The following BCLAF1 variants were observed in gnomAD, a reference collection of about 807,000 sequenced individuals.
BCLAF1 encodes the protein BCL2 associated transcription factor 1.
A neutral mutation model predicts 99.5 loss-of-function variants in BCLAF1; 10 were observed. The ratio of observed to expected loss-of-function variants is 0.10; its 90% CI spans 0.06 to 0.17. The LOEUF (loss-of-function observed/expected upper bound fraction) is 0.17, where lower values mean the gene tolerates loss of function less well. Ranked by LOEUF, BCLAF1 falls within the 10% of genes least tolerant of loss-of-function variation. The pLI is 1.00. For missense variants in BCLAF1, 636 were observed against 1,105.8 expected (o/e 0.58, Z 6.02); for synonymous variants, 255 against 370.9 (o/e 0.69, Z 3.59).
intron 11 of BCLAF1, 103 bp from the exon 12 acceptor site, chr6:136,261,580 T>C (rs1781008147): frequency 8.4e-7 from 1 of 1,195,032 alleles, no homozygotes; most frequent in South Asian, 1.5e-5. Flanking sequence ...ATTGGGTATA[T>C]GAGATTGGTA....
chr6:136,278,680 C>T lies in BCLAF1; in HGVS notation c.201G>A (p.Met67Ile), dbSNP rs763685436. 5.6e-6 allele frequency: 9 copies of T among 1,613,328 alleles called. No homozygotes were observed. The highest frequency in any genetic ancestry group is 7.6e-6 in the Non-Finnish European group (9 of 1,179,858). Residue 67 changes from methionine to isoleucine, a missense_variant, in exon 4 of 13, where the codon ATG (methionine) becomes ATA (isoleucine). Transcript: ENST00000531224. Reference sequence around the variant, plus strand: ...TTCCTCTGTACCCATAAGGTCGTCTCATTCCTCTATTATTTCTGTAATCGC... The same window carrying T: ...TTCCTCTGTACCCATAAGGTCGTCTTATTCCTCTATTATTTCTGTAATCGC... Reference protein sequence around the residue: ...YRRDYRNNRGMRRPYGYRGRG... With the variant: ...YRRDYRNNRGIRRPYGYRGRG...
Position 136,276,131 on chromosome 6 carries a change from C to G in BCLAF1, c.1394G>C (p.Gly465Ala). The change falls in exon 5 of 13, where the codon GGA becomes GCA. Residue 465 changes from glycine (G) to alanine (A), a missense_variant. This residue lies in a region of BCLAF1 where 186 missense variants were observed against 275.3 expected (regional missense o/e 0.68). Transcript: ENST00000531224. ...EEKNYKLKET[G>A]YVVERPSTTK... ...AGTGCTAGGCCTTTCCACTACATAT[C>G]CAGTCTCTTTAAGTTTATAATTTTT... is the stretch of plus-strand genomic sequence containing the variant. The G allele has an allele frequency of 6.2e-7, 1 of 1,613,222 alleles. No homozygotes were observed. Among genetic ancestry groups the G allele is most frequent in the Non-Finnish European group, 8.5e-7 (1 of 1,179,846 alleles).
rs566192188 is a variant in BCLAF1 at position 136,259,010 on chromosome 6, T to C, written c.*2100A>G. The stretch of plus-strand genomic sequence containing the variant: ...CAAATATCCTTACCAAGAGGAACCA[T>C]TCAACTTTTATAATATCGTAAAGCG... On this transcript the variant is annotated 3_prime_UTR_variant, in exon 13 of 13. Coordinates refer to ENST00000531224, the MANE Select transcript of BCLAF1 (RefSeq NM_014739.3). 1 of 152,466 alleles carries C rather than the reference T, an allele frequency of 6.6e-6. No individual in the cohort carries two copies. Among genetic ancestry groups the C allele is most frequent in the African/African-American group, 2.4e-5 (1 of 41,452 alleles). 9.4% of individuals were successfully genotyped at this position (152,466 alleles called of 1,614,324 possible).
At chr6:136,269,638 G>C in intron 8 of BCLAF1, 26 bp from the exon 9 acceptor site, 1 of 1,530,006 alleles carries the variant, frequency 6.5e-7, no homozygotes, top group Non-Finnish European at 8.8e-7. Context: ...ATAAAATACA[G>C]ATTTCAGGGG....
At chr6:136,288,742 C>CCAACTCAT (rs1785510635) in intron 1 of BCLAF1, among the ~76,000 whole-genome samples, 1 of 152,178 alleles carries the variant, frequency 6.6e-6, no homozygotes, top group Non-Finnish European at 1.5e-5. Flanking sequence ...ATCTTAAAAG[C>CCAACTCAT]GAATCAAGCC....
rs1784535444 is a variant in BCLAF1 at position 136,282,667 on chromosome 6, TTAAACTC to T, written c.-101_-95del. 6.6e-6 allele frequency: 1 copy of T among 152,140 alleles called. No individual in the cohort carries two copies. The highest frequency in any genetic ancestry group is 1.5e-5 in the Non-Finnish European group (1 of 68,018). 9.4% of individuals were successfully genotyped at this position (152,140 alleles called of 1,614,324 possible). A position where few individuals can be genotyped will look rare whatever the true frequency, so the allele number is the denominator to read the frequency against. ...TTCCTGGAGAGAATGCTCTGAGAAA[TTAAACTC>T]TAAATTCGAATTCCTAGCAAAGACA... On this transcript the variant is annotated 5_prime_UTR_variant, in exon 2 of 13. Transcript: ENST00000531224.
chr6:136,260,115 T>C lies in BCLAF1; in HGVS notation c.*995A>G, dbSNP rs1780784115. The C allele has an allele frequency of 6.6e-6, 1 of 152,098 alleles. No homozygotes were observed. The highest frequency in any genetic ancestry group is 6.6e-5 in the Admixed American group (1 of 15,266). The allele number at this position is 152,098 out of a possible 1,614,324, so 9.4% of individuals were successfully genotyped here. A position where few individuals can be genotyped will look rare whatever the true frequency, so the allele number is the denominator to read the frequency against. On this transcript the variant is annotated 3_prime_UTR_variant, in exon 13 of 13. Coordinates refer to ENST00000531224, the MANE Select transcript of BCLAF1 (RefSeq NM_014739.3). The stretch of plus-strand genomic sequence containing the variant: ...TTTAAAATACTATTAATGAACAGTA[T>C]GCTGTGTTTCTCTATTTTTACTAAT...
At chr6:136,283,054 T>G (rs1784586818) in intron 1 of BCLAF1, among the ~76,000 whole-genome samples, 1 of 151,948 alleles carries the variant, frequency 6.6e-6, no homozygotes, top group Non-Finnish European at 1.5e-5. Context: ...TCCCAGCTAC[T>G]TGGGAGGCTG....
At chr6:136,271,811 G>A (rs1782571932) in intron 8 of BCLAF1, 184 bp downstream of exon 8, 1 of 400,332 alleles carries the variant, frequency 2.5e-6, no homozygotes, top group African/African-American at 2.1e-5. Context: ...TTAAATTTAA[G>A]ACACTTAGTA....
chr6:136,268,137 A>G (rs760955309), intron 10 of BCLAF1, 25 bp downstream of exon 10: 1 of 1,506,442 alleles, frequency 6.6e-7, no homozygotes, highest in Non-Finnish European at 8.8e-7. Flanking sequence ...CCTACCAAAC[A>G]ATCAAAGATA....
intron 2 of BCLAF1, among the ~76,000 whole-genome samples, chr6:136,280,869 A>G (rs941003896): frequency 6.6e-6 from 1 of 152,172 alleles, no homozygotes; most frequent in Non-Finnish European, 1.5e-5. Flanking sequence ...CCAAATTTAC[A>G]CTAACTTACT....
chr6:136,273,863 T>C (rs771039318), intron 6 of BCLAF1: 23 of 620,586 alleles, frequency 3.7e-5, no homozygotes, highest in Non-Finnish European at 2.8e-5. Context: ...ATGTTGTAAA[T>C]GTAAAATAGA....
Position 136,276,218 on chromosome 6 carries a change from A to G in BCLAF1, c.1307T>C (p.Leu436Pro). ...CAGTGAAACTTTGGACTTGTACTTGAGTCCTTCCTCCTCAGTATTCCGGTG... is the reference window on the plus strand; with the variant it reads ...CAGTGAAACTTTGGACTTGTACTTGGGTCCTTCCTCCTCAGTATTCCGGTG... The part of the protein sequence containing the change: ...ASHRNTEEEG[L>P]KYKSKVSLKG... Residue 436 changes from leucine (L) to proline (P), a missense_variant, in exon 5 of 13, where the codon CTC becomes CCC. Physicochemically the swap from Leu to Pro is moderately conservative, Grantham distance 98 (BLOSUM62 -3). This residue lies in a region of BCLAF1 where 186 missense variants were observed against 275.3 expected (regional missense o/e 0.68). Transcript: ENST00000531224. 6.2e-7 allele frequency: 1 copy of G among 1,606,590 alleles called. No individual in the cohort carries two copies. The highest frequency in any genetic ancestry group is 1.1e-5 in the South Asian group (1 of 89,978).
rs548330874 is a variant in BCLAF1, at chr6:136,260,178, T to G, written c.*932A>C. 6.6e-6 allele frequency: 1 copy of G among 152,090 alleles called. No homozygotes were observed. The highest frequency in any genetic ancestry group is 1.5e-5 in the Non-Finnish European group (1 of 67,926). 9.4% of individuals were successfully genotyped at this position (152,090 alleles called of 1,614,324 possible). Reference sequence around the variant, plus strand: ...AACTAATGTTCAGCTCAAATAAATATGTAAGATATGAAATCAGGTACTAAT... The same window carrying G: ...AACTAATGTTCAGCTCAAATAAATAGGTAAGATATGAAATCAGGTACTAAT... On this transcript the variant is annotated 3_prime_UTR_variant, in exon 13 of 13. Coordinates refer to ENST00000531224, the MANE Select transcript of BCLAF1 (RefSeq NM_014739.3).
chr6:136,284,132 A>G (rs6932571), intron 1 of BCLAF1, among the ~76,000 whole-genome samples: 2,341 of 41,416 alleles, frequency 0.057, 19 homozygotes, highest in Admixed American at 0.12. Context: ...GTGTGTGTGT[A>G]TATATATATA....
intron 1 of BCLAF1, among the ~76,000 whole-genome samples, chr6:136,287,031 TG>T (rs1785231870): frequency 6.6e-6 from 1 of 151,330 alleles, no homozygotes; most frequent in African/African-American, 2.4e-5. Context: ...TCCCAGCTAC[TG>T]GGGAGGCTGA....
chr6:136,276,465 T>C lies in BCLAF1; in HGVS notation c.1060A>G (p.Asn354Asp), dbSNP rs531682088. ...ESRVFLLDRG[N>D]TRDKEASKEK... Reference sequence around the variant, plus strand: ...TTTGAAGCCTCTTTATCCCTGGTATTACCCCTATCAAGCAGGAATACTCTA... The same window carrying C: ...TTTGAAGCCTCTTTATCCCTGGTATCACCCCTATCAAGCAGGAATACTCTA... Residue 354 changes from asparagine (N) to aspartate (D), a missense_variant, in exon 5 of 13, where the codon AAT (asparagine) becomes GAT (aspartate). Around this residue, in one of 9 missense-constraint regions of BCLAF1, gnomAD observed 186 missense variants for 275.3 expected, o/e 0.68. Coordinates refer to ENST00000531224, the MANE Select transcript of BCLAF1 (RefSeq NM_014739.3). 6.5e-7 allele frequency: 1 copy of C among 1,546,908 alleles called. No homozygotes were observed. The highest frequency in any genetic ancestry group is 1.3e-5 in the South Asian group (1 of 78,674).
In BCLAF1 at chr6:136,277,987, T is replaced by C. The variant is rs781772383; in HGVS notation, c.894A>G (p.Arg298=). The change falls in exon 4 of 13, where the codon CGA becomes CGG. Residue 298 remains arginine (R), a synonymous_variant. Transcript: ENST00000531224. Reference sequence around the variant, plus strand: ...GTGCGATTGTCTTTGCAGGACTTCTTCGTGAAGGGATGTGATGAATTGGAC... The same window carrying C: ...GTGCGATTGTCTTTGCAGGACTTCTCCGTGAAGGGATGTGATGAATTGGAC... The part of the protein sequence containing the change: ...QNSPIHHIPS[R]RSPAKTIAPQ... 5 of 1,607,162 alleles carry C rather than the reference T, an allele frequency of 3.1e-6. No individual in the cohort carries two copies. The highest frequency in any genetic ancestry group is 3.4e-6 in the Non-Finnish European group (4 of 1,176,530).
chr6:136,263,874 TACC>T (rs1781363053), intron 11 of BCLAF1, among the ~76,000 whole-genome samples: 1 of 152,160 alleles, frequency 6.6e-6, no homozygotes. Flanking sequence ...TTGAAAACAT[TACC>T]ACACCTTTGC....
Sources: gnomAD v4.1 joint callset for allele counts (sites outside exome capture counted in the v4.1 genomes callset) on GRCh38, gnomAD v4.1.1 for gene constraint, gnomAD v4.1.1 regional missense constraint, MANE v1.5 for transcripts, NCBI Gene and HGNC (gene_info 2026-07-23, HGNC 2026-07-21) for gene names.